The following SHISA9 variants were observed in gnomAD, a reference collection of about 807,000 sequenced individuals.
SHISA9 encodes shisa family member 9.
Under a neutral mutation model 38.0 loss-of-function variants are expected in SHISA9, and 13 were observed. The observed-to-expected ratio is 0.34, with a 90% CI of 0.22 to 0.54. SHISA9 has a LOEUF of 0.54. SHISA9 is among the 20% of genes least tolerant of loss of function. SHISA9 has a pLI of 0.91. For missense variants in SHISA9, 538 were observed against 575.8 expected (o/e 0.93, Z 0.67); for synonymous variants, 275 against 242.0 (o/e 1.14, Z -1.27).
At chr16:13,231,485 C>G (rs2051331219) in intron 4 of SHISA9, among the ~76,000 whole-genome samples, 1 of 152,176 alleles carries the variant, frequency 6.6e-6, no homozygotes, top group Non-Finnish European at 1.5e-5. Context: ...TTAAACAATT[C>G]ATGACATTTC....
At chr16:13,094,704 G>A (rs1048112808) in intron 2 of SHISA9, among the ~76,000 whole-genome samples, 1 of 152,062 alleles carries the variant, frequency 6.6e-6, no homozygotes, top group Non-Finnish European at 1.5e-5. Context: ...CTCCTGATTG[G>A]CCTGTAGACT....
At chr16:13,133,179 C>G (rs769904526) in intron 2 of SHISA9, among the ~76,000 whole-genome samples, 4 of 152,118 alleles carry the variant, frequency 2.6e-5, no homozygotes, top group Non-Finnish European at 5.9e-5. Flanking sequence ...TAGGTGGAAT[C>G]TTAGATATGT....
chr16:13,160,750 C>G (rs2050588356), intron 2 of SHISA9, among the ~76,000 whole-genome samples: 1 of 152,176 alleles, frequency 6.6e-6, no homozygotes, highest in South Asian at 2.1e-4. Flanking sequence ...TCACAACCTC[C>G]TTGTCAAATG....
chr16:13,032,500 T>C lies in SHISA9; in HGVS notation c.691+115685T>C, dbSNP rs192932242. On this transcript the variant is annotated intron_variant, in intron 2 of 4. Transcript: ENST00000558583. ...ATGTGTCACTGATGAAGTTTTTGAA[T>C]GGTGTGCCCCTAACCTCATTTCCCC... Among the ~76,000 whole-genome samples, 12 of 152,318 alleles carry C rather than the reference T, an allele frequency of 7.9e-5. No individual in the cohort carries two copies. In the East Asian group the frequency reaches 2.3e-3, roughly 29 times the overall value.
intron 2 of SHISA9, among the ~76,000 whole-genome samples, chr16:13,081,605 T>G (rs1373505956): frequency 6.6e-6 from 1 of 152,060 alleles, no homozygotes; most frequent in Non-Finnish European, 1.5e-5. Context: ...TGATTCCACA[T>G]CTATGGTGTA....
intron 2 of SHISA9, among the ~76,000 whole-genome samples, chr16:13,052,840 G>T (rs1027055265): frequency 6.6e-6 from 1 of 152,110 alleles, no homozygotes; most frequent in South Asian, 2.1e-4. Flanking sequence ...TTCACTATGG[G>T]TGTGGTTATT....
intron 2 of SHISA9, among the ~76,000 whole-genome samples, chr16:13,102,182 G>A (rs920821553): frequency 2.6e-5 from 4 of 152,148 alleles, no homozygotes; most frequent in Admixed American, 6.5e-5. Context: ...TACGAGAACC[G>A]ACATGCTCAA....
At chr16:13,361,088 CA>C in the SHISA9 span, among the ~76,000 whole-genome samples, 5 of 152,216 alleles carry the variant, frequency 3.3e-5, no homozygotes, top group Non-Finnish European at 7.3e-5. Flanking sequence ...AAATATTCTT[CA>C]CCTTTCTAGT....
At chr16:12,924,828 G>T (rs965853959) in intron 2 of SHISA9, among the ~76,000 whole-genome samples, 1 of 152,120 alleles carries the variant, frequency 6.6e-6, no homozygotes, top group African/African-American at 2.4e-5. Context: ...AACCAAGATT[G>T]GGTATTTGCT....
At chr16:13,212,316 C>A (rs754523965) in intron 3 of SHISA9, among the ~76,000 whole-genome samples, 3 of 152,178 alleles carry the variant, frequency 2.0e-5, no homozygotes, top group African/African-American at 4.8e-5. Context: ...TAGGGTTGCC[C>A]CACTTTAAGC....
chr16:12,993,837 G>A (rs1264980391), intron 2 of SHISA9, among the ~76,000 whole-genome samples: 1 of 152,186 alleles, frequency 6.6e-6, no homozygotes, highest in African/African-American at 2.4e-5. Flanking sequence ...GGAAGCCCAG[G>A]TAGCAAGGAG....
At chr16:13,514,796 T>C in the SHISA9 span, among the ~76,000 whole-genome samples, 1 of 152,026 alleles carries the variant, frequency 6.6e-6, no homozygotes, top group African/African-American at 2.4e-5. Context: ...AACCCATTGA[T>C]CCAAGAAAAA....
chr16:13,131,740 TC>T (rs1299856272), intron 2 of SHISA9, among the ~76,000 whole-genome samples: 5 of 151,912 alleles, frequency 3.3e-5, no homozygotes, highest in Non-Finnish European at 5.9e-5. Context: ...AAATGGAAAA[TC>T]CCAAAAAAGG....
the SHISA9 span, among the ~76,000 whole-genome samples, chr16:13,394,604 C>T: frequency 3.3e-5 from 5 of 152,166 alleles, no homozygotes; most frequent in African/African-American, 9.7e-5. Context: ...CTCTAGCTCT[C>T]GGTCTAAGTG....
intron 2 of SHISA9, among the ~76,000 whole-genome samples, chr16:13,019,884 C>CTCCTTCCTTTCT (rs1567184073): frequency 4.8e-5 from 1 of 20,892 alleles, no homozygotes; most frequent in African/African-American, 1.8e-4. Flanking sequence ...CCCTCCCTCC[C>CTCCTTCCTTTCT]TTCTTTCTTT....
intron 2 of SHISA9, among the ~76,000 whole-genome samples, chr16:13,172,601 A>G (rs1229080824): frequency 1.3e-5 from 2 of 152,024 alleles, no homozygotes; most frequent in Non-Finnish European, 2.9e-5. Flanking sequence ...ACACCATTTC[A>G]CCATCACCTT....
intron 2 of SHISA9, among the ~76,000 whole-genome samples, chr16:13,202,843 G>A (rs978021503): frequency 6.6e-6 from 1 of 152,126 alleles, no homozygotes; most frequent in African/African-American, 2.4e-5. Flanking sequence ...GCTAAAAGTG[G>A]TATTGTTCAG....
chr16:13,073,988 G>C lies in SHISA9; in HGVS notation c.692-129406G>C, dbSNP rs186871459. Among the ~76,000 whole-genome samples, 615 of 150,530 alleles carry C rather than the reference G, an allele frequency of 4.1e-3. 3 individuals carry two copies. Among genetic ancestry groups the C allele is most frequent in the African/African-American group, 0.015 (597 of 41,008 alleles). ...TTTTTTGTTTTTTTTTTTTGTGGGG[G>C]GTGCAGAGTCTTGTTCTGTTGCCCA... is the stretch of plus-strand genomic sequence containing the variant. On this transcript the variant is annotated intron_variant, in intron 2 of 4. Coordinates refer to ENST00000558583, the MANE Select transcript of SHISA9 (RefSeq NM_001145204.3).
the SHISA9 span, among the ~76,000 whole-genome samples, chr16:13,273,855 A>G: frequency 6.6e-6 from 1 of 152,200 alleles, no homozygotes; most frequent in Non-Finnish European, 1.5e-5. Context: ...ATGAATTATC[A>G]AAGTCCATGG....
Sources: gnomAD v4.1 joint callset for allele counts (sites outside exome capture counted in the v4.1 genomes callset) on GRCh38, gnomAD v4.1.1 for gene constraint, MANE v1.5 for transcripts, NCBI Gene and HGNC (gene_info 2026-07-23, HGNC 2026-07-21) for gene names.